The following C7 variants were observed in gnomAD, a reference collection of about 807,000 sequenced individuals.
The protein encoded by C7 is complement component C7.
In C7, 83 loss-of-function variants were observed where a neutral mutation model predicts 104.8. The observed-to-expected ratio is 0.79, with a 90% CI of 0.66 to 0.95. C7 has a LOEUF of 0.95. Ranked by LOEUF, C7 falls within the 40% of genes least tolerant of loss-of-function variation. The pLI is 0.00. For missense variants in C7, 1,070 were observed against 1,011.2 expected (o/e 1.06, Z -0.79); for synonymous variants, 415 against 360.6 (o/e 1.15, Z -1.71).
intron 12 of C7, among the ~76,000 whole-genome samples, chr5:40,960,428 G>A (rs557856519): frequency 3.3e-5 from 5 of 152,276 alleles, no homozygotes; most frequent in African/African-American, 9.6e-5. Context: ...AATCTTTGGT[G>A]CCTTGTAATC....
In C7 at chr5:40,984,321, G is replaced by A. The variant is rs1741019073; in HGVS notation, c.*2748G>A. Among the ~76,000 whole-genome samples, 1 of 152,150 alleles carries A rather than the reference G, an allele frequency of 6.6e-6. No individual in the cohort carries two copies. The highest frequency in any genetic ancestry group is 1.5e-5 in the Non-Finnish European group (1 of 68,030). ...GGTAGGGATGTGGAGTGCCAAGCAG[G>A]AAATCTGACAAGTGACCCCCGGAAC... On this transcript the variant is annotated 3_prime_UTR_variant, in exon 18 of 18. Coordinates refer to ENST00000313164, the MANE Select transcript of C7 (RefSeq NM_000587.4).
At chr5:40,935,917 T>G (rs1739801834) in intron 4 of C7, among the ~76,000 whole-genome samples, 1 of 152,178 alleles carries the variant, frequency 6.6e-6, no homozygotes, top group Non-Finnish European at 1.5e-5. Context: ...AACCTTTTGA[T>G]AAAATTGTCC....
At position 40,949,897 on chromosome 5, in the gene C7, C is replaced by T. The variant is rs777173022; in HGVS notation, c.983-7C>T. The stretch of plus-strand genomic sequence containing the variant: ...TAAACATGTCTCTTTTACATTTTCT[C>T]CCCTAGATTTTAATTCAGTCGAAGA... On this transcript the variant is annotated splice_polypyrimidine_tract_variant and splice_region_variant and intron_variant, in intron 8 of 17. Coordinates refer to ENST00000313164, the MANE Select transcript of C7 (RefSeq NM_000587.4). 1.1e-5 allele frequency: 16 copies of T among 1,514,572 alleles called. No homozygotes were observed. Among genetic ancestry groups the T allele is most frequent in the Non-Finnish European group, 1.4e-5 (16 of 1,103,604 alleles). 93.8% of individuals were successfully genotyped at this position (1,514,572 alleles called of 1,614,324 possible).
At chr5:40,969,439 C>A (rs1483393044) in intron 14 of C7, among the ~76,000 whole-genome samples, 1 of 151,854 alleles carries the variant, frequency 6.6e-6, no homozygotes, top group Non-Finnish European at 1.5e-5. Flanking sequence ...CAATTCTTGT[C>A]TTTTTGAATG....
At chr5:40,922,676 G>A (rs1346447163) in intron 1 of C7, among the ~76,000 whole-genome samples, 1 of 146,174 alleles carries the variant, frequency 6.8e-6, no homozygotes, top group Non-Finnish European at 1.5e-5. Context: ...ACTCCAGCCT[G>A]GGTGACAGAG....
rs370211948 is a variant in C7, at chr5:40,937,637, G to T, written c.514G>T (p.Asp172Tyr). 57 of 1,610,700 alleles carry T rather than the reference G, an allele frequency of 3.5e-5. No homozygotes were observed. In the African/African-American group the frequency reaches 4.9e-4, roughly 14 times the overall value. Residue 172 changes from aspartate to tyrosine, a missense_variant, in exon 6 of 18, where the codon GAT becomes TAT. Physicochemically the swap from Asp to Tyr is radical, Grantham distance 160. Transcript: ENST00000313164. ...TCAATGTAGAAAGGTGTTTAGTGGGGATGGAAAAGATTTCTACAGGCTGAG... is the reference window on the plus strand; with the variant it reads ...TCAATGTAGAAAGGTGTTTAGTGGGTATGGAAAAGATTTCTACAGGCTGAG... ...GGQCRKVFSG[D>Y]GKDFYRLSGN...
intron 1 of C7, among the ~76,000 whole-genome samples, chr5:40,920,257 G>A (rs975009796): frequency 1.3e-5 from 2 of 151,972 alleles, no homozygotes; most frequent in Non-Finnish European, 2.9e-5. Context: ...CAAGTTGAAT[G>A]TTTTCTTATT....
intron 14 of C7, among the ~76,000 whole-genome samples, chr5:40,968,586 ATATATATATATATATTTTTTTTTTT>A (rs1239289976): frequency 3.3e-4 from 25 of 76,452 alleles, no homozygotes; most frequent in African/African-American, 1.0e-3. Context: ...ATATATATAT[ATATATATATATATATTTTTTTTTTT>A]TTTTTTTTTT....
chr5:40,968,565 AT>A (rs72086343), intron 14 of C7, among the ~76,000 whole-genome samples: 1 of 65,954 alleles, frequency 1.5e-5, no homozygotes, highest in East Asian at 5.3e-4. Context: ...AATTATATAT[AT>A]TTTATATATA....
chr5:40,936,555 T>G (rs1411478576), intron 5 of C7, 70 bp downstream of exon 5: 3 of 1,449,996 alleles, frequency 2.1e-6, no homozygotes, highest in Admixed American at 4.4e-5. Flanking sequence ...ATTTTATAGT[T>G]TGGTAAGTCT....
At chr5:40,972,315 A>G (rs1740714880) in intron 14 of C7, 88 bp from the exon 15 acceptor site, 1 of 1,056,124 alleles carries the variant, frequency 9.5e-7, no homozygotes, top group African/African-American at 1.6e-5. Context: ...AAAAAGCAGA[A>G]CAAGTGTGTC....
intron 14 of C7, among the ~76,000 whole-genome samples, chr5:40,965,646 A>ATTTTCT (rs1247964584): frequency 4.0e-5 from 4 of 99,090 alleles, no homozygotes; most frequent in African/African-American, 1.7e-4. Context: ...ATATATATAT[A>ATTTTCT]TATTTTTTTT....
At chr5:40,950,061 TTTTTAC>T in intron 9 of C7, 47 bp downstream of exon 9, 1 of 1,145,794 alleles carries the variant, frequency 8.7e-7, no homozygotes, top group Non-Finnish European at 1.3e-6. Flanking sequence ...ACTTCTTTTT[TTTTTAC>T]TTTTAAGTTC....
chr5:40,912,546 T>G (rs537573561), intron 1 of C7, among the ~76,000 whole-genome samples: 3 of 143,482 alleles, frequency 2.1e-5, no homozygotes, highest in Non-Finnish European at 4.4e-5. Context: ...GCCTGGCTAA[T>G]TTTTGTATTT....
intron 1 of C7, among the ~76,000 whole-genome samples, chr5:40,917,600 T>C (rs1258451781): frequency 6.6e-6 from 1 of 152,218 alleles, no homozygotes; most frequent in Non-Finnish European, 1.5e-5. Context: ...GAGTGCACAT[T>C]TCTCTTTGAT....
chr5:40,950,044 AAGCTT>A, intron 9 of C7, 30 bp downstream of exon 9: 3 of 1,299,258 alleles, frequency 2.3e-6, no homozygotes, highest in Non-Finnish European at 3.2e-6. Flanking sequence ...TTTGCATTGC[AAGCTT>A]AACTTCTTTT....
At chr5:40,921,644 A>G (rs1035522624) in intron 1 of C7, among the ~76,000 whole-genome samples, 6 of 152,166 alleles carry the variant, frequency 3.9e-5, no homozygotes, top group Non-Finnish European at 8.8e-5. Context: ...ATAGCATACT[A>G]CTGTCCTAAA....
At position 40,953,907 on chromosome 5, in the gene C7, C is replaced by G. The variant is rs988060789; in HGVS notation, c.1094-1480C>G. The stretch of plus-strand genomic sequence containing the variant: ...AAAAAATAAAAAAACAAAAAAAGAA[C>G]CTGTCAGGCTTTAATGATTTCTGAA... On this transcript the variant is annotated intron_variant, in intron 9 of 17. Coordinates refer to ENST00000313164, the MANE Select transcript of C7 (RefSeq NM_000587.4). Among the ~76,000 whole-genome samples, 3 of 39,686 alleles carry G rather than the reference C, an allele frequency of 7.6e-5. No homozygotes were observed. In the Admixed American group the frequency reaches 9.8e-4, roughly 13 times the overall value. The allele number at this position is 39,686 out of a possible 152,430, so 26.0% of individuals were successfully genotyped here. A position where few individuals can be genotyped will look rare whatever the true frequency, so the allele number is the denominator to read the frequency against.
At chr5:40,933,015 A>G (rs1739728943) in intron 3 of C7, among the ~76,000 whole-genome samples, 1 of 152,152 alleles carries the variant, frequency 6.6e-6, no homozygotes, top group Non-Finnish European at 1.5e-5. Context: ...TGGGCTCTGG[A>G]ACTTCACAAA....
Sources: gnomAD v4.1 joint callset for allele counts (sites outside exome capture counted in the v4.1 genomes callset) on GRCh38, gnomAD v4.1.1 for gene constraint, MANE v1.5 for transcripts, NCBI Gene and HGNC (gene_info 2026-07-23, HGNC 2026-07-21) for gene names.